Variants in GFRA3 observed in about 807,000 individuals in gnomAD.
GFRA3 encodes the protein GDNF family receptor alpha 3.
GFRA3 carries 24 observed loss-of-function variants against 40.0 expected under a neutral mutation model. The ratio of observed to expected loss-of-function variants is 0.60; its 90% CI spans 0.43 to 0.84. The LOEUF (loss-of-function observed/expected upper bound fraction) is 0.84. Ranked by LOEUF, GFRA3 falls within the 40% of genes least tolerant of loss-of-function variation. The pLI is 0.00. For synonymous variants in GFRA3, 203 were observed against 213.5 expected, an observed-to-expected ratio of 0.95 and a Z score of 0.43; for missense variants, 405 against 530.6, an observed-to-expected ratio of 0.76 and a Z score of 2.33.
At chr5:138,254,863 G>A (rs1755603836) in intron 4 of GFRA3, among the ~76,000 whole-genome samples, 1 of 152,058 alleles carries the variant, frequency 6.6e-6, no homozygotes, top group African/African-American at 2.4e-5. Context: ...GGAGGCTGAG[G>A]TGGGAGAATC....
Position 138,264,560 on chromosome 5 carries a change from G to A in GFRA3, c.92-12C>T. 1 of 1,567,348 alleles carries A rather than the reference G, an allele frequency of 6.4e-7. No individual in the cohort carries two copies. The highest frequency in any genetic ancestry group is 1.8e-5 in the Admixed American group (1 of 56,334). On this transcript the variant is annotated splice_polypyrimidine_tract_variant and intron_variant, in intron 1 of 7. Coordinates refer to ENST00000274721, the MANE Select transcript of GFRA3 (RefSeq NM_001496.4). ...GGGAAGGGGGTCTCCTGTAAAGGGA[G>A]ATACCAGGTGAGGCTACGTAAGATT...
rs1481098195 is a variant in GFRA3, at chr5:138,252,799, G to A, written c.*169C>T. ...GAATCAGAAGTGGAGATGGGGTGGA[G>A]GGAATGAGGACTGGACCAGTAAGGA... On this transcript the variant is annotated 3_prime_UTR_variant, in exon 8 of 8. Coordinates refer to ENST00000274721, the MANE Select transcript of GFRA3 (RefSeq NM_001496.4). The A allele has an allele frequency of 5.7e-6, 3 of 522,068 alleles. No individual in the cohort carries two copies. The highest frequency in any genetic ancestry group is 1.1e-5 in the Non-Finnish European group (3 of 285,108). 32.3% of individuals were successfully genotyped at this position (522,068 alleles called of 1,614,324 possible).
At chr5:138,257,381 A>G (rs893621275) in intron 4 of GFRA3, among the ~76,000 whole-genome samples, 6 of 152,238 alleles carry the variant, frequency 3.9e-5, no homozygotes, top group African/African-American at 1.4e-4. Context: ...ATGATAGATT[A>G]TCTTCAGGTG....
intron 2 of GFRA3, among the ~76,000 whole-genome samples, chr5:138,260,391 G>A (rs1243159348): frequency 6.6e-6 from 1 of 152,228 alleles, no homozygotes; most frequent in African/African-American, 2.4e-5. Context: ...TGTAACATGA[G>A]CAAGAAATAC....
At chr5:138,264,877 G>T (rs1261611364) in intron 1 of GFRA3, among the ~76,000 whole-genome samples, 2 of 152,162 alleles carry the variant, frequency 1.3e-5, no homozygotes, top group African/African-American at 4.8e-5. Context: ...GGGGTCCCCA[G>T]GCAGAGCCAT....
At chr5:138,257,600 G>A (rs761134242) in intron 4 of GFRA3, 39 bp downstream of exon 4, 3 of 1,544,820 alleles carry the variant, frequency 1.9e-6, no homozygotes, top group East Asian at 2.3e-5. Context: ...AGTGGCGTGT[G>A]CCTCATCCCT....
chr5:138,254,648 C>T (rs1044669702), intron 4 of GFRA3, among the ~76,000 whole-genome samples: 3 of 152,244 alleles, frequency 2.0e-5, no homozygotes, highest in Admixed American at 2.0e-4. Context: ...TTAAATGTAC[C>T]ATTCCTTGGA....
intron 1 of GFRA3, among the ~76,000 whole-genome samples, chr5:138,265,948 G>C (rs1304082319): frequency 6.6e-6 from 1 of 150,560 alleles, no homozygotes; most frequent in East Asian, 2.0e-4. Flanking sequence ...TGCCTGCCTT[G>C]GCCTCCCGAA....
In GFRA3 at chr5:138,272,036, C is replaced by T. The variant is rs1335167196; in HGVS notation, c.91+2298G>A. 1.4e-4 allele frequency among the ~76,000 whole-genome samples: 18 copies of T among 127,102 alleles called. 1 individual carries two copies. Among genetic ancestry groups the T allele is most frequent in the Non-Finnish European group, 2.5e-4 (15 of 60,982 alleles). 83.4% of individuals were successfully genotyped at this position (127,102 alleles called of 152,430 possible). On this transcript the variant is annotated intron_variant, in intron 1 of 7. Transcript: ENST00000274721. ...TTTTTTTTTTTTTGAGACGGAGTCT[C>T]GCTCTGTCACCCAGGCTGGAGTGCA... is the stretch of plus-strand genomic sequence containing the variant.
intron 4 of GFRA3, among the ~76,000 whole-genome samples, chr5:138,256,850 G>A (rs1393793894): frequency 1.3e-5 from 2 of 151,468 alleles, no homozygotes; most frequent in Non-Finnish European, 2.9e-5. Flanking sequence ...GAGAGACTGA[G>A]GCAGAAGAAT....
Position 138,257,918 on chromosome 5 carries a change from C to T in GFRA3, c.506G>A (p.Cys169Tyr). Reference sequence around the variant, plus strand: ...CCGGTCACACTTGTCATTGAGAGTACACAGCATGGCAAACTTGAGGCAGAG... The same window carrying T: ...CCGGTCACACTTGTCATTGAGAGTATACAGCATGGCAAACTTGAGGCAGAG... ...SDLCLKFAMLCTLNDKCDRLR... is the reference protein window; with the variant it reads ...SDLCLKFAMLYTLNDKCDRLR... The change falls in exon 4 of 8, where the codon TGT becomes TAT. Residue 169 changes from cysteine (C) to tyrosine (Y), a missense_variant. Transcript: ENST00000274721. The T allele has an allele frequency of 1.2e-6, 2 of 1,614,098 alleles. No homozygotes were observed. The highest frequency in any genetic ancestry group is 1.7e-6 in the Non-Finnish European group (2 of 1,179,986).
At chr5:138,259,295 C>A (rs961514786) in intron 3 of GFRA3, among the ~76,000 whole-genome samples, 4 of 152,254 alleles carry the variant, frequency 2.6e-5, no homozygotes, top group Non-Finnish European at 5.9e-5. Flanking sequence ...ACGCCCTTTG[C>A]AGGGGCTCGC....
intron 2 of GFRA3, 59 bp downstream of exon 2, chr5:138,264,202 A>T (rs1232227084): frequency 5.2e-6 from 7 of 1,355,514 alleles, no homozygotes; most frequent in Non-Finnish European, 7.1e-6. Flanking sequence ...GCAGGATTAA[A>T]AAACAACCCC....
chr5:138,268,284 G>GAA (rs60958894), intron 1 of GFRA3, among the ~76,000 whole-genome samples: 1 of 33,146 alleles, frequency 3.0e-5, no homozygotes, highest in Admixed American at 6.1e-4. Flanking sequence ...GACTCCATCT[G>GAA]AAAAAAAAAA....
At chr5:138,269,786 T>C (rs992063455) in intron 1 of GFRA3, among the ~76,000 whole-genome samples, 9 of 140,698 alleles carry the variant, frequency 6.4e-5, no homozygotes, top group Non-Finnish European at 1.2e-4. Flanking sequence ...GAGGTTGCAG[T>C]GAGCCGAGAT....
At chr5:138,253,216 T>G in intron 7 of GFRA3, 71 bp downstream of exon 7, 1 of 1,047,712 alleles carries the variant, frequency 9.5e-7, no homozygotes, top group Non-Finnish European at 1.5e-6. Flanking sequence ...TCTATCCCTT[T>G]GTCTGCCTAG....
intron 1 of GFRA3, among the ~76,000 whole-genome samples, chr5:138,272,069 G>T (rs555135260): frequency 3.2e-4 from 47 of 148,742 alleles, no homozygotes; most frequent in South Asian, 1.9e-3. Flanking sequence ...GCAGTGGCGC[G>T]ATCTCAGCTC....
intron 1 of GFRA3, among the ~76,000 whole-genome samples, chr5:138,271,991 T>C (rs4835673): frequency 0.3 from 38,016 of 126,294 alleles, 7,713 homozygotes; most frequent in South Asian, 0.41. Context: ...TTTTGCACGT[T>C]CACAGTATTT....
intron 1 of GFRA3, among the ~76,000 whole-genome samples, chr5:138,269,436 T>A (rs1187366921): frequency 6.6e-6 from 1 of 151,284 alleles, no homozygotes; most frequent in Non-Finnish European, 1.5e-5. Context: ...CTCGAGAGGC[T>A]GAGGCTGGAG....
Sources: allele counts gnomAD v4.1 joint callset (sites outside exome capture counted in the v4.1 genomes callset), GRCh38; gene constraint gnomAD v4.1.1; transcripts MANE v1.5; gene names NCBI Gene and HGNC (gene_info 2026-07-23, HGNC 2026-07-21).